The following LATS2 variants were observed in gnomAD, a reference collection of about 807,000 sequenced individuals.
LATS2 encodes the protein large tumor suppressor kinase 2.
In LATS2, 24 loss-of-function variants were observed where a neutral mutation model predicts 76.0. That is an observed-to-expected ratio of 0.32 (90% confidence interval 0.23 to 0.44). The LOEUF is 0.44. Among genes scored for constraint, LATS2 ranks in the 20% least tolerant of loss-of-function variants. The pLI is 1.00. For missense variants in LATS2, 1,286 were observed against 1,481.2 expected, an observed-to-expected ratio of 0.87 and a Z score of 2.16; for synonymous variants, 692 against 635.4, an observed-to-expected ratio of 1.09 and a Z score of -1.34.
intron 4 of LATS2, among the ~76,000 whole-genome samples, chr13:20,985,249 A>G (rs758415673): frequency 3.9e-5 from 6 of 152,212 alleles, no homozygotes; most frequent in Admixed American, 6.5e-5. Context: ...AGGCAAAAAA[A>G]CCCCAAAGTA....
chr13:21,017,164 C>T (rs768087455), intron 2 of LATS2, among the ~76,000 whole-genome samples: 4 of 152,112 alleles, frequency 2.6e-5, no homozygotes, highest in Non-Finnish European at 5.9e-5. Context: ...TGGCAGCCAG[C>T]ACAGTGAAAT....
intron 2 of LATS2, among the ~76,000 whole-genome samples, chr13:21,010,962 T>C (rs1264695360): frequency 6.6e-6 from 1 of 152,266 alleles, no homozygotes; most frequent in Non-Finnish European, 1.5e-5. Context: ...TTCTCTGGAA[T>C]GTACCTTCAG....
intron 2 of LATS2, among the ~76,000 whole-genome samples, chr13:21,007,762 T>A (rs866781917): frequency 0.017 from 249 of 14,252 alleles, 40 homozygotes; most frequent in Non-Finnish European, 0.023. Context: ...ATATATATAT[T>A]TTTTTTTTTT....
intron 1 of LATS2, among the ~76,000 whole-genome samples, chr13:21,057,529 G>A (rs1032237312): frequency 6.6e-6 from 1 of 152,078 alleles, no homozygotes; most frequent in Non-Finnish European, 1.5e-5. Flanking sequence ...TAATAATCAC[G>A]TAACAGGCCG....
chr13:21,027,276 T>C (rs995105900), intron 2 of LATS2, among the ~76,000 whole-genome samples: 2 of 152,236 alleles, frequency 1.3e-5, no homozygotes, highest in African/African-American at 4.8e-5. Flanking sequence ...ATCTAAGAGA[T>C]CTTTGCCTTT....
intron 2 of LATS2, among the ~76,000 whole-genome samples, chr13:21,029,433 T>G (rs1480067162): frequency 6.6e-6 from 1 of 152,242 alleles, no homozygotes; most frequent in Non-Finnish European, 1.5e-5. Flanking sequence ...TGATGTATCA[T>G]CTTCTTACCA....
intron 1 of LATS2, among the ~76,000 whole-genome samples, chr13:21,047,671 C>T (rs192744424): frequency 2.0e-5 from 3 of 151,468 alleles, no homozygotes; most frequent in Admixed American, 6.6e-5. Context: ...CTGTAAACCG[C>T]GACCCTGCTT....
intron 2 of LATS2, among the ~76,000 whole-genome samples, chr13:21,024,093 C>CAAAAAAAA (rs748881098): frequency 3.8e-5 from 3 of 79,210 alleles, no homozygotes; most frequent in Non-Finnish European, 5.4e-5. Flanking sequence ...TCTCGCTGTG[C>CAAAAAAAA]AAAAAAAAAA....
chr13:20,983,859 T>C (rs892242652), intron 4 of LATS2, 53 bp from the exon 5 acceptor site: 3 of 1,414,852 alleles, frequency 2.1e-6, no homozygotes, highest in Non-Finnish European at 2.9e-6. Flanking sequence ...AGTCCCATGA[T>C]AACAAATGAC....
intron 2 of LATS2, among the ~76,000 whole-genome samples, chr13:21,041,060 C>T (rs1872862371): frequency 6.6e-6 from 1 of 152,020 alleles, no homozygotes; most frequent in African/African-American, 2.4e-5. Context: ...GCAAGCTCCG[C>T]CTCCTGGGTT....
intron 2 of LATS2, among the ~76,000 whole-genome samples, chr13:21,027,956 T>C (rs990297048): frequency 3.3e-5 from 5 of 152,036 alleles, no homozygotes; most frequent in Non-Finnish European, 7.4e-5. Flanking sequence ...TACTTTTAAG[T>C]TTTAGGGTAC....
chr13:21,057,359 C>G (rs146578805), intron 1 of LATS2, among the ~76,000 whole-genome samples: 1,878 of 152,298 alleles, frequency 0.012, 30 homozygotes, highest in African/African-American at 0.043. Flanking sequence ...AAACACTTGT[C>G]ACAATTAACT....
chr13:21,033,202 T>C lies in LATS2; in HGVS notation c.342+12483A>G, dbSNP rs114673119. ...AAGTGGAGCCTAGAGCCAAAGACAA[T>C]GTAAGCTAGGAACCTTTGTTAGACC... is the stretch of plus-strand genomic sequence containing the variant. On this transcript the variant is annotated intron_variant, in intron 2 of 7. Coordinates refer to ENST00000382592, the MANE Select transcript of LATS2 (RefSeq NM_014572.3). 4.0e-3 allele frequency among the ~76,000 whole-genome samples: 600 copies of C among 149,906 alleles called. 5 individuals carry two copies. Among genetic ancestry groups the C allele is most frequent in the African/African-American group, 0.014 (549 of 40,640 alleles).
intron 1 of LATS2, among the ~76,000 whole-genome samples, chr13:21,059,364 G>T (rs1266358306): frequency 1.3e-5 from 2 of 152,146 alleles, no homozygotes; most frequent in Non-Finnish European, 2.9e-5. Context: ...TTGGGAGGCT[G>T]AGGCGGGCGG....
At chr13:21,003,297 G>A (rs546480579) in intron 2 of LATS2, among the ~76,000 whole-genome samples, 18 of 151,576 alleles carry the variant, frequency 1.2e-4, no homozygotes, top group African/African-American at 4.4e-4. Context: ...CTCAGAGTTC[G>A]GGCTGGAGTG....
chr13:20,981,483 T>G lies in LATS2; in HGVS notation c.2648A>C (p.Glu883Ala). 1 of 1,613,764 alleles carries G rather than the reference T, an allele frequency of 6.2e-7. No individual in the cohort carries two copies. The highest frequency in any genetic ancestry group is 8.5e-7 in the Non-Finnish European group (1 of 1,179,852). The stretch of plus-strand genomic sequence containing the variant: ...GCATGTACCTTTGCGGAGGAGCACC[T>G]CGGGTGCGATGTAGTTTGGAGTCCC... ...LVGTPNYIAP[E>A]VLLRKGYTQL... The change falls in exon 6 of 8, where the codon GAG (glutamate) becomes GCG (alanine). Residue 883 changes from glutamate to alanine, a missense_variant. Physicochemically the swap from Glu to Ala is moderately radical, Grantham distance 107 (BLOSUM62 -1). This residue lies in a region of LATS2 where 247 missense variants were observed against 385.4 expected (regional missense o/e 0.64). Coordinates refer to ENST00000382592, the MANE Select transcript of LATS2 (RefSeq NM_014572.3).
At chr13:21,008,624 C>T (rs1871450692) in intron 2 of LATS2, among the ~76,000 whole-genome samples, 1 of 152,072 alleles carries the variant, frequency 6.6e-6, no homozygotes, top group African/African-American at 2.4e-5. Flanking sequence ...CATAGAACTT[C>T]ACTGAAAAAA....
chr13:20,991,500 A>C lies in LATS2; in HGVS notation c.343-96T>G. ...ACTCCGTGCTGGACTGTGCTGGGAC[A>C]CTTCGCCTCTGTACTGCTGAGAACC... On this transcript the variant is annotated intron_variant, in intron 2 of 7. Coordinates refer to ENST00000382592, the MANE Select transcript of LATS2 (RefSeq NM_014572.3). This position sits in a 1 kb window ranked among gnomAD's most constrained non-coding sequence, Gnocchi z 4.9. The C allele has an allele frequency of 7.1e-7, 1 of 1,411,020 alleles. No individual in the cohort carries two copies. Among genetic ancestry groups the C allele is most frequent in the Non-Finnish European group, 9.8e-7 (1 of 1,016,092 alleles). 87.4% of individuals were successfully genotyped at this position (1,411,020 alleles called of 1,614,324 possible).
At position 21,019,691 on chromosome 13, in the gene LATS2, C is replaced by T. The variant is rs1428688031; in HGVS notation, c.342+25994G>A. Among the ~76,000 whole-genome samples, 10 of 131,448 alleles carry T rather than the reference C, an allele frequency of 7.6e-5. No homozygotes were observed. The South Asian group carries it at 2.3e-3, about 30-fold the overall frequency. The allele number at this position is 131,448 out of a possible 152,430, so 86.2% of individuals were successfully genotyped here. A position where few individuals can be genotyped will look rare whatever the true frequency, so the allele number is the denominator to read the frequency against. ...CTCAAAAAAAAAAAAAAAAAAAAGGCGGCTGGGCGTGGTGGCTCATGCCTG... is the reference window on the plus strand; with the variant it reads ...CTCAAAAAAAAAAAAAAAAAAAAGGTGGCTGGGCGTGGTGGCTCATGCCTG... On this transcript the variant is annotated intron_variant, in intron 2 of 7. Transcript: ENST00000382592.
Sources: gnomAD v4.1 joint callset for allele counts (sites outside exome capture counted in the v4.1 genomes callset) on GRCh38, gnomAD v4.1.1 for gene constraint, gnomAD v4.1.1 regional missense constraint, Gnocchi (gnomAD v3.1) non-coding constraint, MANE v1.5 for transcripts, NCBI Gene and HGNC (gene_info 2026-07-23, HGNC 2026-07-21) for gene names.